The following LOC128092253 variants were observed in gnomAD, a reference collection of about 807,000 sequenced individuals.
chr6:133,968,941 GTGAGGCACCACTCC>G, the LOC128092253 span: 1 of 152,164 alleles, frequency 6.6e-6, no homozygotes, highest in African/African-American at 2.4e-5. Flanking sequence ...GATTACAGGC[GTGAGGCACCACTCC>G]TGGTCAGTAT....
chr6:133,963,901 C>T, the LOC128092253 span, among the ~76,000 whole-genome samples: 2 of 150,884 alleles, frequency 1.3e-5, no homozygotes, highest in Admixed American at 6.6e-5. Flanking sequence ...ATTAGCCAGG[C>T]GTGGTGGCGG....
At chr6:133,960,503 G>A in the LOC128092253 span, among the ~76,000 whole-genome samples, 3,350 of 150,690 alleles carry the variant, frequency 0.022, 55 homozygotes, top group Non-Finnish European at 0.034. Flanking sequence ...ACTTCAGTGC[G>A]CAGTACAAAA....
chr6:133,963,117 G>A, the LOC128092253 span, among the ~76,000 whole-genome samples: 1 of 152,134 alleles, frequency 6.6e-6, no homozygotes, highest in Non-Finnish European at 1.5e-5. Context: ...AGATTATGCT[G>A]GTTTAAAAGC....
chr6:133,957,805 G>C, the LOC128092253 span, among the ~76,000 whole-genome samples: 1 of 152,234 alleles, frequency 6.6e-6, no homozygotes, highest in South Asian at 2.1e-4. Context: ...CAGGGTTGCT[G>C]TGAGAATTAG....
At chr6:133,975,054 T>C in the LOC128092253 span, among the ~76,000 whole-genome samples, 5 of 152,026 alleles carry the variant, frequency 3.3e-5, no homozygotes, top group Non-Finnish European at 5.9e-5. Flanking sequence ...TTTAAGAAAT[T>C]AGAAAAAGAA....
chr6:133,972,633 A>G, the LOC128092253 span, among the ~76,000 whole-genome samples: 1 of 152,142 alleles, frequency 6.6e-6, no homozygotes, highest in East Asian at 1.9e-4. Flanking sequence ...GCACTGGCCC[A>G]TTGGCTGTAG....
At chr6:133,977,064 G>A in the LOC128092253 span, among the ~76,000 whole-genome samples, 1 of 152,112 alleles carries the variant, frequency 6.6e-6, no homozygotes, top group South Asian at 2.1e-4. Context: ...AATATGTTTA[G>A]CTTTAGAAAG....
At chr6:133,963,821 G>A in the LOC128092253 span, among the ~76,000 whole-genome samples, 1 of 151,444 alleles carries the variant, frequency 6.6e-6, no homozygotes, top group Non-Finnish European at 1.5e-5. Flanking sequence ...ACAAGGTCAG[G>A]AGATCGAGAC....
the LOC128092253 span, among the ~76,000 whole-genome samples, chr6:133,971,643 G>C: frequency 0.034 from 5,118 of 152,030 alleles, 104 homozygotes; most frequent in Admixed American, 0.061. Flanking sequence ...GAGTGAGGTG[G>C]TATCTCATTG....
chr6:133,955,470 A>G, the LOC128092253 span, among the ~76,000 whole-genome samples: 4 of 151,854 alleles, frequency 2.6e-5, no homozygotes, highest in Admixed American at 2.6e-4. Context: ...CTGCATGTGC[A>G]TTTCATTAAT....
At chr6:133,962,231 C>G in the LOC128092253 span, among the ~76,000 whole-genome samples, 1 of 152,116 alleles carries the variant, frequency 6.6e-6, no homozygotes, top group Admixed American at 6.5e-5. Context: ...TTCTGTTTTT[C>G]ATTCTAAGAG....
At chr6:133,964,770 G>T in the LOC128092253 span, among the ~76,000 whole-genome samples, 8 of 152,262 alleles carry the variant, frequency 5.3e-5, no homozygotes, top group African/African-American at 1.9e-4. Context: ...ATTTTCCCAA[G>T]TAACTAATTT....
chr6:133,970,696 C>T, the LOC128092253 span, among the ~76,000 whole-genome samples: 1 of 151,762 alleles, frequency 6.6e-6, no homozygotes, highest in African/African-American at 2.4e-5. Flanking sequence ...GCAGCCTCAA[C>T]CTCCCAGGTT....
the LOC128092253 span, among the ~76,000 whole-genome samples, chr6:133,977,961 A>G: frequency 6.6e-6 from 1 of 152,228 alleles, no homozygotes; most frequent in South Asian, 2.1e-4. Flanking sequence ...TTCCCAGAGG[A>G]TACATAACCA....
At chr6:133,977,475 A>G in the LOC128092253 span, among the ~76,000 whole-genome samples, 70 of 152,146 alleles carry the variant, frequency 4.6e-4, no homozygotes, top group African/African-American at 1.7e-3. Flanking sequence ...TTGTCCCCTC[A>G]GGCAGAACTC....
the LOC128092253 span, among the ~76,000 whole-genome samples, chr6:133,979,721 A>C: frequency 6.6e-6 from 1 of 151,998 alleles, no homozygotes; most frequent in Non-Finnish European, 1.5e-5. Context: ...ATCTCGGCTC[A>C]CTGCAACCTC....
chr6:133,975,952 T>C, the LOC128092253 span, among the ~76,000 whole-genome samples: 1 of 152,232 alleles, frequency 6.6e-6, no homozygotes, highest in East Asian at 1.9e-4. Context: ...GCAGGCTTAA[T>C]AGCCTTGTGA....
the LOC128092253 span, among the ~76,000 whole-genome samples, chr6:133,956,482 C>T: frequency 6.6e-6 from 1 of 152,162 alleles, no homozygotes; most frequent in African/African-American, 2.4e-5. Context: ...TACATACTGC[C>T]TGGTACTGTC....
chr6:133,964,649 C>T, the LOC128092253 span, among the ~76,000 whole-genome samples: 5 of 151,838 alleles, frequency 3.3e-5, no homozygotes, highest in East Asian at 1.9e-4. Context: ...GGGGTTTTAC[C>T]GTGTTAGCCA....
Sources: gnomAD v4.1 joint callset for allele counts (sites outside exome capture counted in the v4.1 genomes callset) on GRCh38, gnomAD v4.1.1 for gene constraint, MANE v1.5 for transcripts.